LOXHD1: variants seen among roughly 807,000 people sequenced by gnomAD.
LOXHD1 encodes lipoxygenase homology PLAT domains 1.
Under a neutral mutation model 248.2 loss-of-function variants are expected in LOXHD1, and 205 were observed. The observed-to-expected ratio is 0.83, with a 90% CI of 0.74 to 0.93. The LOEUF is 0.93. Ranked by LOEUF, LOXHD1 falls within the 40% of genes least tolerant of loss-of-function variation. The probability of loss-of-function intolerance (pLI) is 0.00; values close to 1 mark genes in which losing one functional copy is unlikely to be tolerated. For missense variants in LOXHD1, 2,930 were observed against 2,971.6 expected (o/e 0.99, Z 0.33); for synonymous variants, 1,113 against 1,162.8 (o/e 0.96, Z 0.87).
At chr18:46,637,810 G>A (rs1222871558) in intron 4 of LOXHD1, among the ~76,000 whole-genome samples, 1 of 152,114 alleles carries the variant, frequency 6.6e-6, no homozygotes, top group Non-Finnish European at 1.5e-5. Context: ...GTAATACTGT[G>A]CAAAGATACA....
At position 46,557,818 on chromosome 18, in the gene LOXHD1, A is replaced by G. The variant is rs139774990; in HGVS notation, c.3217-329T>C. 3.2e-4 allele frequency: 408 copies of G among 1,290,166 alleles called. 4 individuals are homozygous for G. The East Asian group carries it at 0.012, about 37-fold the overall frequency. The allele number at this position is 1,290,166 out of a possible 1,614,324, so 79.9% of individuals were successfully genotyped here. A position where few individuals can be genotyped will look rare whatever the true frequency, so the allele number is the denominator to read the frequency against. On this transcript the variant is annotated intron_variant, in intron 20 of 40. Coordinates refer to ENST00000642948, the MANE Select transcript of LOXHD1 (RefSeq NM_001384474.1). Reference sequence around the variant, plus strand: ...CATCTGTGGTGGGTGTTTTGTGTGCAAGAGAGGGGGGTGCACTGAAACCCT... The same window carrying G: ...CATCTGTGGTGGGTGTTTTGTGTGCGAGAGAGGGGGGTGCACTGAAACCCT...
chr18:46,588,169 A>G (rs2038097040), intron 12 of LOXHD1, among the ~76,000 whole-genome samples: 1 of 152,036 alleles, frequency 6.6e-6, no homozygotes, highest in Admixed American at 6.6e-5. Context: ...AAAAGGAGAT[A>G]TGAGTACTTG....
intron 36 of LOXHD1, among the ~76,000 whole-genome samples, chr18:46,507,060 A>C (rs1433703678): frequency 6.6e-6 from 1 of 152,190 alleles, no homozygotes; most frequent in Non-Finnish European, 1.5e-5. Context: ...CATTGCATCC[A>C]TCGGAGCGTC....
At chr18:46,559,317 T>C in intron 20 of LOXHD1, 131 bp downstream of exon 20, 1 of 1,546,644 alleles carries the variant, frequency 6.5e-7, no homozygotes, top group Non-Finnish European at 8.7e-7. Flanking sequence ...GGTACTGCCA[T>C]GAAACCTGGT....
At chr18:46,526,463 C>A (rs1450087082) in intron 29 of LOXHD1, among the ~76,000 whole-genome samples, 1 of 152,158 alleles carries the variant, frequency 6.6e-6, no homozygotes, top group Non-Finnish European at 1.5e-5. Flanking sequence ...AGTAATACCA[C>A]GGAATGGCTT....
chr18:46,483,537 G>A (rs1435816981), intron 40 of LOXHD1, 50 bp downstream of exon 40: 1 of 1,548,848 alleles, frequency 6.5e-7, no homozygotes, highest in Admixed American at 2.0e-5. Context: ...CTCAGTCCCT[G>A]CCCCATGCTG....
chr18:46,633,292 T>C (rs1334562405), intron 4 of LOXHD1, among the ~76,000 whole-genome samples: 1 of 152,146 alleles, frequency 6.6e-6, no homozygotes, highest in Admixed American at 6.5e-5. Flanking sequence ...ACCAGTGGAA[T>C]AGAACAGAGA....
chr18:46,529,072 C>A, intron 29 of LOXHD1, 105 bp downstream of exon 29: 1 of 1,376,764 alleles, frequency 7.3e-7, no homozygotes, highest in Non-Finnish European at 1.0e-6. Context: ...GTGCACAATG[C>A]CCCATGGAGT....
chr18:46,639,707 G>A lies in LOXHD1; in HGVS notation c.420C>T (p.Phe140=). Residue 140 remains phenylalanine (F), a synonymous_variant, in exon 4 of 41, where the codon TTC becomes TTT. Transcript: ENST00000642948. The part of the protein sequence containing the change: ...DMKRPHLRYY[F]NCNNWLSKVE... The stretch of plus-strand genomic sequence containing the variant: ...CCTTGCTCAGCCAGTTGTTGCAGTT[G>A]AAGTAGTAACGGAGATGAGGCCTCT... 1 of 1,551,734 alleles carries A rather than the reference G, an allele frequency of 6.4e-7. No individual in the cohort carries two copies. Among genetic ancestry groups the A allele is most frequent in the Non-Finnish European group, 8.7e-7 (1 of 1,147,004 alleles).
chr18:46,618,089 C>T, intron 5 of LOXHD1, 103 bp downstream of exon 5: 1 of 796,104 alleles, frequency 1.3e-6, no homozygotes, highest in Non-Finnish European at 2.1e-6. Flanking sequence ...TAGAGGAGCC[C>T]AAAGTGGGGC....
chr18:46,652,155 T>C (rs2039119668), intron 1 of LOXHD1, among the ~76,000 whole-genome samples: 1 of 152,214 alleles, frequency 6.6e-6, no homozygotes, highest in Non-Finnish European at 1.5e-5. Context: ...ATGTCATTTA[T>C]ATGAAACTCT....
intron 4 of LOXHD1, among the ~76,000 whole-genome samples, chr18:46,637,284 G>T (rs1166980167): frequency 6.6e-6 from 1 of 152,224 alleles, no homozygotes; most frequent in Non-Finnish European, 1.5e-5. Context: ...GGAGCTGGGG[G>T]CCCAGGAAGC....
chr18:46,627,021 T>A lies in LOXHD1; in HGVS notation c.512-8731A>T, dbSNP rs144523591. 3.8e-3 allele frequency among the ~76,000 whole-genome samples: 579 copies of A among 152,340 alleles called. 1 individual carries two copies. Among genetic ancestry groups the A allele is most frequent in the African/African-American group, 0.013 (530 of 41,576 alleles). On this transcript the variant is annotated intron_variant, in intron 4 of 40. Transcript: ENST00000642948. ...TTGAGTGATTGGATTATGGAAGATT[T>A]TCTTATTCTTCTGTTGCTTATTTGT...
chr18:46,566,178 C>T (rs1394516806), intron 17 of LOXHD1, 79 bp downstream of exon 17: 1 of 1,447,280 alleles, frequency 6.9e-7, no homozygotes, highest in African/African-American at 1.4e-5. Flanking sequence ...CCTGCTTTGC[C>T]CCATGGTCCC....
At chr18:46,529,586 C>T (rs757962916) in intron 28 of LOXHD1, among the ~76,000 whole-genome samples, 9 of 152,172 alleles carry the variant, frequency 5.9e-5, no homozygotes, top group Admixed American at 4.6e-4. Context: ...TTTTTTCTAG[C>T]ACCCCTCAAA....
chr18:46,483,667 C>T lies in LOXHD1; in HGVS notation c.6261G>A (p.Arg2087=). ...IASLCVGHLA[R]EDRFIPKREL... is the part of the protein sequence containing the mutation. ...CTCTCTTGGGGATAAACCGGTCTTC[C>T]CTGGCAAGGTGGCCCACACAGAGGG... Residue 2087 remains arginine (R), a synonymous_variant, in exon 40 of 41, where the codon AGG becomes AGA. Coordinates refer to ENST00000642948, the MANE Select transcript of LOXHD1 (RefSeq NM_001384474.1). 9 of 1,551,652 alleles carry T rather than the reference C, an allele frequency of 5.8e-6. No individual in the cohort carries two copies. Among genetic ancestry groups the T allele is most frequent in the Non-Finnish European group, 7.8e-6 (9 of 1,146,986 alleles).
At chr18:46,626,013 G>A (rs2038737509) in intron 4 of LOXHD1, among the ~76,000 whole-genome samples, 1 of 152,156 alleles carries the variant, frequency 6.6e-6, no homozygotes, top group Non-Finnish European at 1.5e-5. Flanking sequence ...CTTCCTGGAG[G>A]GCAGGTGAGT....
intron 4 of LOXHD1, among the ~76,000 whole-genome samples, chr18:46,638,059 C>T (rs2038914772): frequency 6.6e-6 from 1 of 152,108 alleles, no homozygotes; most frequent in Non-Finnish European, 1.5e-5. Flanking sequence ...CTCCATGCTC[C>T]AGGGCACCAC....
intron 8 of LOXHD1, among the ~76,000 whole-genome samples, chr18:46,595,851 C>A (rs2144254176): frequency 6.6e-6 from 1 of 152,276 alleles, no homozygotes; most frequent in Non-Finnish European, 1.5e-5. Context: ...TTGAATTGTT[C>A]TCTCATTGTT....
Sources: gnomAD v4.1 joint callset for allele counts (sites outside exome capture counted in the v4.1 genomes callset) on GRCh38, gnomAD v4.1.1 for gene constraint, MANE v1.5 for transcripts, NCBI Gene and HGNC (gene_info 2026-07-23, HGNC 2026-07-21) for gene names.